The following PPFIBP2 variants were observed in gnomAD, a reference collection of about 807,000 sequenced individuals.
PPFIBP2 encodes PPFIB scaffold protein 2, also known as liprin-beta-2.
In PPFIBP2, 118 loss-of-function variants were observed where a neutral mutation model predicts 118.3. That is an observed-to-expected ratio of 1.00 (90% CI 0.86 to 1.16). The LOEUF (loss-of-function observed/expected upper bound fraction) is 1.16, where lower values mean the gene tolerates loss of function less well. Ranked by LOEUF, PPFIBP2 falls within the 50% of genes most tolerant of loss-of-function variation. The probability of loss-of-function intolerance (pLI) is 0.00; values close to 1 mark genes in which losing one functional copy is unlikely to be tolerated. For missense variants in PPFIBP2, 1,195 were observed against 1,073.1 expected (o/e 1.11, Z -1.59); for synonymous variants, 414 against 397.4 (o/e 1.04, Z -0.50).
rs192584452 is a variant in PPFIBP2, at chr11:7,522,486, A to C, written c.-37+8365A>C. ...AGCCCAGAGAAACCTACCCAAGATC[A>C]CTTAGCTCTTGATTGTAGAACCCAG... On this transcript the variant is annotated intron_variant, in intron 1 of 23. Transcript: ENST00000299492. Among the ~76,000 whole-genome samples the C allele has an allele frequency of 1.4e-3, 216 of 152,334 alleles. 1 individual carries two copies. Among genetic ancestry groups the C allele is most frequent in the South Asian group, 4.8e-3 (23 of 4,830 alleles).
intron 1 of PPFIBP2, among the ~76,000 whole-genome samples, chr11:7,538,549 G>A (rs1383909284): frequency 2.6e-5 from 4 of 152,218 alleles, no homozygotes; most frequent in Non-Finnish European, 5.9e-5. Flanking sequence ...TCTGGGCTTG[G>A]CTCTGCCAAA....
chr11:7,610,810 G>C (rs1382192715), intron 6 of PPFIBP2, among the ~76,000 whole-genome samples: 1 of 152,214 alleles, frequency 6.6e-6, no homozygotes, highest in African/African-American at 2.4e-5. Flanking sequence ...AAGGAGTCTG[G>C]AAACGTTTCT....
chr11:7,566,973 T>A (rs1855068746), intron 3 of PPFIBP2, among the ~76,000 whole-genome samples: 1 of 152,252 alleles, frequency 6.6e-6, no homozygotes, highest in Admixed American at 6.5e-5. Flanking sequence ...GATTTTAGTG[T>A]TTTTCTTATC....
rs1010624220 is a variant in PPFIBP2, at chr11:7,598,317, T to C, written c.486+644T>C. 3.2e-5 allele frequency: 9 copies of C among 282,038 alleles called. No homozygotes were observed. In the East Asian group the frequency reaches 4.1e-4, roughly 13 times the overall value. The allele number at this position is 282,038 out of a possible 1,614,324, so 17.5% of individuals were successfully genotyped here. Reference sequence around the variant, plus strand: ...TTCCCATTTAAAATTTTTGCTGTATTGTCATCTTTACTATCACCTATAATA... The same window carrying C: ...TTCCCATTTAAAATTTTTGCTGTATCGTCATCTTTACTATCACCTATAATA... On this transcript the variant is annotated intron_variant, in intron 5 of 23. Coordinates refer to ENST00000299492, the MANE Select transcript of PPFIBP2 (RefSeq NM_003621.5).
intron 14 of PPFIBP2, among the ~76,000 whole-genome samples, chr11:7,636,626 C>G (rs1314880478): frequency 1.3e-5 from 2 of 152,130 alleles, no homozygotes. Context: ...CTAAAGCACA[C>G]CTGTAAGTGA....
intron 11 of PPFIBP2, 25 bp from the exon 12 acceptor site, chr11:7,632,842 C>G: frequency 6.3e-7 from 1 of 1,591,920 alleles, no homozygotes; most frequent in Non-Finnish European, 8.6e-7. Context: ...TGTCCTCTAC[C>G]GTGACTCTTC....
At chr11:7,661,534 C>A (rs1019340405), downstream of PPFIBP2, among the ~76,000 whole-genome samples, 2 of 143,718 alleles carry the variant, frequency 1.4e-5, no homozygotes, top group Non-Finnish European at 3.1e-5. Flanking sequence ...AATTTCTGTT[C>A]TTTTACATTT....
intron 1 of PPFIBP2, among the ~76,000 whole-genome samples, chr11:7,520,839 C>T (rs1849694576): frequency 6.6e-6 from 1 of 152,176 alleles, no homozygotes; most frequent in South Asian, 2.1e-4. Context: ...TTGATGGCAC[C>T]TATGTGTCTC....
In PPFIBP2 at chr11:7,549,301, A is replaced by T; in HGVS notation, c.-36-139A>T. 3 of 730,018 alleles carry T rather than the reference A, an allele frequency of 4.1e-6. No homozygotes were observed. The South Asian group carries it at 5.3e-5, about 13-fold the overall frequency. 45.2% of individuals were successfully genotyped at this position (730,018 alleles called of 1,614,324 possible). ...TGCCAAGAGGGAAAAGGCCATGGAGATGCAGAAACTACATGTCGGCTACTA... is the reference window on the plus strand; with the variant it reads ...TGCCAAGAGGGAAAAGGCCATGGAGTTGCAGAAACTACATGTCGGCTACTA... On this transcript the variant is annotated intron_variant, in intron 1 of 23. Transcript: ENST00000299492.
intron 22 of PPFIBP2, 70 bp downstream of exon 22, chr11:7,651,035 G>A: frequency 1.3e-6 from 2 of 1,516,736 alleles, no homozygotes. Flanking sequence ...ATTTATTAAG[G>A]ACAAGGCACA....
At chr11:7,655,280 T>A, downstream of PPFIBP2, 1 of 433,304 alleles carries the variant, frequency 2.3e-6, no homozygotes, top group Non-Finnish European at 4.3e-6. Flanking sequence ...CACCCACCTG[T>A]CACTCCTCAG....
chr11:7,588,489 C>A (rs975806109), intron 3 of PPFIBP2, among the ~76,000 whole-genome samples: 6 of 152,194 alleles, frequency 3.9e-5, no homozygotes, highest in Admixed American at 2.6e-4. Context: ...GTTAATTGCT[C>A]AAGCTGCACA....
At chr11:7,611,427 T>G (rs1848060614) in intron 6 of PPFIBP2, among the ~76,000 whole-genome samples, 1 of 152,246 alleles carries the variant, frequency 6.6e-6, no homozygotes, top group African/African-American at 2.4e-5. Flanking sequence ...CCATGTTTGC[T>G]GAGTAAACAC....
At chr11:7,635,443 G>A (rs1056311840) in intron 13 of PPFIBP2, 109 bp from the exon 14 acceptor site, 5 of 1,010,826 alleles carry the variant, frequency 4.9e-6, no homozygotes, top group Non-Finnish European at 6.2e-6. Context: ...GGAGGGAGGG[G>A]ATGCGCCTTT....
chr11:7,546,083 T>C (rs1392999943), intron 1 of PPFIBP2, among the ~76,000 whole-genome samples: 1 of 152,238 alleles, frequency 6.6e-6, no homozygotes, highest in Admixed American at 6.5e-5. Flanking sequence ...GGAGAGGCTA[T>C]GGAAGCTCCA....
intron 1 of PPFIBP2, among the ~76,000 whole-genome samples, chr11:7,536,591 GT>G (rs1321071510): frequency 2.6e-5 from 4 of 152,102 alleles, no homozygotes; most frequent in African/African-American, 9.7e-5. Context: ...GAATCAAGTG[GT>G]TTTGTTTCTC....
chr11:7,612,648 G>A (rs956743802), intron 6 of PPFIBP2, among the ~76,000 whole-genome samples: 6 of 152,042 alleles, frequency 3.9e-5, no homozygotes, highest in Non-Finnish European at 5.9e-5. Flanking sequence ...TACATAAGGC[G>A]ACGTAGACCC....
At chr11:7,543,131 C>T (rs1851961617) in intron 1 of PPFIBP2, among the ~76,000 whole-genome samples, 1 of 152,222 alleles carries the variant, frequency 6.6e-6, no homozygotes, top group Admixed American at 6.5e-5. Context: ...TCATATCTGT[C>T]TTTGTCCTTT....
At chr11:7,541,463 T>G (rs1851766400) in intron 1 of PPFIBP2, among the ~76,000 whole-genome samples, 2 of 152,176 alleles carry the variant, frequency 1.3e-5, no homozygotes, top group South Asian at 4.1e-4. Flanking sequence ...TTGGTGCACC[T>G]GACTGCGCCC....
Sources: allele counts gnomAD v4.1 joint callset (sites outside exome capture counted in the v4.1 genomes callset), GRCh38; gene constraint gnomAD v4.1.1; transcripts MANE v1.5; gene names NCBI Gene and HGNC (gene_info 2026-07-23, HGNC 2026-07-21).